The following RTTN variants were observed in gnomAD, a reference collection of about 807,000 sequenced individuals.
RTTN encodes the protein rotatin.
A neutral mutation model predicts 269.2 loss-of-function variants in RTTN; 182 were observed. That is an observed-to-expected ratio of 0.68 (90% CI 0.60 to 0.76). The LOEUF (loss-of-function observed/expected upper bound fraction) is 0.76, where lower values mean the gene tolerates loss of function less well. Among genes scored for constraint, RTTN ranks in the 30% least tolerant of loss-of-function variants. The pLI, the probability that RTTN is intolerant of heterozygous loss-of-function variation, is 0.00. For missense variants in RTTN, 2,545 were observed against 2,608.6 expected, an observed-to-expected ratio of 0.98 and a Z score of 0.53; for synonymous variants, 1,006 against 963.5, an observed-to-expected ratio of 1.04 and a Z score of -0.82.
Position 70,205,622 on chromosome 18 carries a change from A to T in RTTN, c.31+6T>A, listed in dbSNP as rs764286445. The stretch of plus-strand genomic sequence containing the variant: ...TGCCTTGGGCGAGGGGCAAGCTGAC[A>T]GTTACCGAGTTTCCTGATGAGCCCT... On this transcript the variant is annotated splice_donor_region_variant and intron_variant, in intron 1 of 48. Transcript: ENST00000640769. The T allele has an allele frequency of 1.2e-6, 2 of 1,614,170 alleles. No individual in the cohort carries two copies. The highest frequency in any genetic ancestry group is 1.7e-6 in the Non-Finnish European group (2 of 1,180,020).
At chr18:70,122,775 G>A (rs1017792726) in intron 25 of RTTN, among the ~76,000 whole-genome samples, 11 of 152,108 alleles carry the variant, frequency 7.2e-5, no homozygotes, top group Admixed American at 6.6e-4. Flanking sequence ...CAGCTGAGTA[G>A]GATGGCAAGT....
At chr18:70,017,258 C>T in intron 46 of RTTN, 149 bp downstream of exon 46, 1 of 750,412 alleles carries the variant, frequency 1.3e-6, no homozygotes. Flanking sequence ...TGAAGCCATG[C>T]CTGATTCATT....
rs569999106 is a variant in RTTN, at chr18:70,157,396, T to G, written c.1930-6663A>C. Among the ~76,000 whole-genome samples, 12 of 152,286 alleles carry G rather than the reference T, an allele frequency of 7.9e-5. No individual in the cohort carries two copies. The South Asian group carries it at 2.5e-3, about 32-fold the overall frequency. ...GAAAGCACACAGAAACCAAGCCAAT[T>G]GACTAATCCCAACTTATACCACAGT... On this transcript the variant is annotated intron_variant, in intron 14 of 48. Coordinates refer to ENST00000640769, the MANE Select transcript of RTTN (RefSeq NM_173630.4).
intron 28 of RTTN, among the ~76,000 whole-genome samples, chr18:70,095,657 T>A (rs2058982247): frequency 6.6e-6 from 1 of 152,190 alleles, no homozygotes. Flanking sequence ...CTGAGAGAGA[T>A]CCGCTGGTAA....
intron 3 of RTTN, 76 bp from the exon 4 acceptor site, chr18:70,202,059 A>C (rs1185597266): frequency 4.9e-6 from 4 of 814,828 alleles, no homozygotes; most frequent in Non-Finnish European, 7.8e-6. Flanking sequence ...TTTAAGTGGT[A>C]ATGTTTTCTC....
chr18:70,033,823 CTAGAT>C (rs1365042479), intron 40 of RTTN, among the ~76,000 whole-genome samples: 1 of 105,610 alleles, frequency 9.5e-6, no homozygotes. Flanking sequence ...GACCACTAGG[CTAGAT>C]TAATGAAGAA....
At position 70,196,639 on chromosome 18, in the gene RTTN, A is replaced by G. The variant is rs1031479207; in HGVS notation, c.703T>C (p.Ser235Pro). The G allele has an allele frequency of 5.0e-6, 8 of 1,609,846 alleles. No individual in the cohort carries two copies. The Admixed American group carries it at 1.0e-4, about 21-fold the overall frequency. ...TCTCCAAAGGCCAGTTTCAACAGAG[A>G]TAAAAGGCTCTGAAATCAAGAAGAG... is the stretch of plus-strand genomic sequence containing the variant. ...QRPKIVQSLL[S>P]LLKLAFGDGK... is the part of the protein sequence containing the mutation. Residue 235 changes from serine (S) to proline (P), a missense_variant, in exon 7 of 49, where the codon TCT becomes CCT. Coordinates refer to ENST00000640769, the MANE Select transcript of RTTN (RefSeq NM_173630.4).
Position 70,127,654 on chromosome 18 carries a change from A to C in RTTN, c.3231T>G (p.His1077Gln), listed in dbSNP as rs2059900361. 6.2e-7 allele frequency: 1 copy of C among 1,613,392 alleles called. No individual in the cohort carries two copies. The change falls in exon 25 of 49, where the codon CAT (histidine) becomes CAG (glutamine). Residue 1077 changes from histidine to glutamine, a missense_variant. Coordinates refer to ENST00000640769, the MANE Select transcript of RTTN (RefSeq NM_173630.4). ...HMASGLQDCL[H>Q]SIVQAATHRE... ...TGTGGGTTGCAGCCTGAACAATGGA[A>C]TGGAGGCAGTCCTGCAGCCCACTAG...
intron 34 of RTTN, among the ~76,000 whole-genome samples, chr18:70,069,252 T>C (rs896064391): frequency 6.6e-6 from 1 of 152,182 alleles, no homozygotes; most frequent in African/African-American, 2.4e-5. Flanking sequence ...TGTTAACTAA[T>C]TTGACTGTGG....
rs1214345714 is a variant in RTTN at position 70,166,977 on chromosome 18, A to C, written c.1744T>G (p.Phe582Val). The C allele has an allele frequency of 6.2e-7, 1 of 1,613,880 alleles. No homozygotes were observed. Among genetic ancestry groups the C allele is most frequent in the Non-Finnish European group, 8.5e-7 (1 of 1,179,880 alleles). The change falls in exon 13 of 49, where the codon TTT becomes GTT. Residue 582 changes from phenylalanine (F) to valine (V), a missense_variant. Physicochemically the swap from Phe to Val is conservative, Grantham distance 50. Transcript: ENST00000640769. The part of the protein sequence containing the change: ...VELADQALRS[F>V]SYHQHFPLIK... ...AGCGGGAAATGCTGATGATAGGAAA[A>C]GCTACGCAAGGCTTGGTCTGCCAGC...
intron 7 of RTTN, 55 bp from the exon 8 acceptor site, chr18:70,193,508 T>A: frequency 8.2e-7 from 1 of 1,226,218 alleles, no homozygotes; most frequent in Non-Finnish European, 1.1e-6. Flanking sequence ...GACTTCTGAC[T>A]ATGTGGTATT....
intron 41 of RTTN, among the ~76,000 whole-genome samples, chr18:70,030,315 T>C (rs2056975834): frequency 6.6e-6 from 1 of 152,202 alleles, no homozygotes; most frequent in African/African-American, 2.4e-5. Flanking sequence ...CAGTTTTTAG[T>C]AAGATACTAC....
At chr18:70,143,866 T>G (rs1233030994) in intron 18 of RTTN, among the ~76,000 whole-genome samples, 1 of 151,994 alleles carries the variant, frequency 6.6e-6, no homozygotes, top group Non-Finnish European at 1.5e-5. Context: ...CCTTTTTTTT[T>G]TTTGTTTTTT....
intron 8 of RTTN, among the ~76,000 whole-genome samples, chr18:70,191,511 C>T (rs926018207): frequency 2.8e-4 from 42 of 152,148 alleles, no homozygotes; most frequent in African/African-American, 9.9e-4. Flanking sequence ...TCACTTAGTA[C>T]ATTCGACATC....
Position 70,075,356 on chromosome 18 carries a change from T to C in RTTN, c.4560A>G (p.Leu1520=). The C allele has an allele frequency of 6.4e-7, 1 of 1,568,824 alleles. No individual in the cohort carries two copies. The highest frequency in any genetic ancestry group is 8.6e-7 in the Non-Finnish European group (1 of 1,158,252). ...ATACAAAGATATCGTACTTACCATT[T>C]AAATCATTGCTTTCTGAATTTCTAT... ...AFDRNSESND[L]NGLDDSFKFW... is the part of the protein sequence containing the mutation. Residue 1520 remains leucine (L), a synonymous_variant, in exon 33 of 49, where the codon TTA becomes TTG. Transcript: ENST00000640769.
Position 70,121,704 on chromosome 18 carries a change from T to C in RTTN, c.3384-4A>G, listed in dbSNP as rs1455491554. On this transcript the variant is annotated splice_region_variant and splice_polypyrimidine_tract_variant and intron_variant, in intron 25 of 48. Coordinates refer to ENST00000640769, the MANE Select transcript of RTTN (RefSeq NM_173630.4). ...AGCAGGAAGCACCTGTAAAAACCTA[T>C]AATGAAAAGACAATAATCATGGTTT... The C allele has an allele frequency of 3.3e-6, 5 of 1,536,174 alleles. No individual in the cohort carries two copies.
rs199672165 is a variant in RTTN at position 70,197,607 on chromosome 18, T to C, written c.693+17A>G. The C allele has an allele frequency of 3.6e-5, 54 of 1,502,250 alleles. No individual in the cohort carries two copies. The highest frequency in any genetic ancestry group is 1.7e-4 in the Middle Eastern group (1 of 5,860). The allele number at this position is 1,502,250 out of a possible 1,614,324, so 93.1% of individuals were successfully genotyped here. On this transcript the variant is annotated intron_variant, in intron 6 of 48. Coordinates refer to ENST00000640769, the MANE Select transcript of RTTN (RefSeq NM_173630.4). ...TTCTCTAGTTCAAAATCTAAAACAA[T>C]TATAGAGGGCACTGACCTGAACAAT...
rs369913051 is a variant in RTTN, at chr18:70,004,146, G to A, written c.*5C>T. On this transcript the variant is annotated 3_prime_UTR_variant, in exon 49 of 49. Transcript: ENST00000640769. ...TCAGCTTCAAGGTGTAGCATCCCATGGCACTCAGGAAGAATTAAGGAGCTG... is the reference window on the plus strand; with the variant it reads ...TCAGCTTCAAGGTGTAGCATCCCATAGCACTCAGGAAGAATTAAGGAGCTG... 1.2e-4 allele frequency: 197 copies of A among 1,607,330 alleles called. 2 individuals are homozygous for A. The South Asian group carries it at 2.0e-3, about 17-fold the overall frequency.
intron 44 of RTTN, among the ~76,000 whole-genome samples, chr18:70,021,633 G>A (rs1204656945): frequency 6.6e-6 from 1 of 152,138 alleles, no homozygotes; most frequent in African/African-American, 2.4e-5. Context: ...CTAAGGAATG[G>A]AGAAAGTTAA....
Sources: gnomAD v4.1 joint callset for allele counts (sites outside exome capture counted in the v4.1 genomes callset) on GRCh38, gnomAD v4.1.1 for gene constraint, MANE v1.5 for transcripts, NCBI Gene and HGNC (gene_info 2026-07-23, HGNC 2026-07-21) for gene names.